The following ROBO2 variants were observed in gnomAD, a reference collection of about 807,000 sequenced individuals.
ROBO2 encodes roundabout guidance receptor 2.
ROBO2 carries 53 observed loss-of-function variants against 160.8 expected under a neutral mutation model. The ratio of observed to expected loss-of-function variants is 0.33; its 90% CI spans 0.26 to 0.41. ROBO2 has a LOEUF of 0.41. Ranked by LOEUF, ROBO2 falls within the 10% of genes least tolerant of loss-of-function variation. ROBO2 has a pLI of 1.00. For synonymous variants in ROBO2, 664 were observed against 611.7 expected (o/e 1.09, Z -1.26); for missense variants, 1,577 against 1,722.4 (o/e 0.92, Z 1.49).
chr3:77,107,544 A>T lies in ROBO2; in HGVS notation c.388+9204A>T, dbSNP rs189614025. On this transcript the variant is annotated intron_variant, in intron 2 of 25. Transcript: ENST00000461745. ...AGAAATATTACAAATCATGTGGTAT[A>T]GCATCTATTTGCATATCATTTACAT... Among the ~76,000 whole-genome samples, 65 of 152,346 alleles carry T rather than the reference A, an allele frequency of 4.3e-4. No homozygotes were observed. The East Asian group carries it at 0.012, about 29-fold the overall frequency.
chr3:76,866,719 T>C (rs2071410385), intron 2 of ROBO2, among the ~76,000 whole-genome samples: 1 of 152,188 alleles, frequency 6.6e-6, no homozygotes, highest in African/African-American at 2.4e-5. Flanking sequence ...ACTGGTAGTT[T>C]ATTTTATTTT....
rs562914363 is a variant in ROBO2 at position 76,186,078 on chromosome 3, A to G, written c.109+248476A>G. The stretch of plus-strand genomic sequence containing the variant: ...CCTCCCAAGTAGATGGACTACAAAC[A>G]TGCACCACCACACCTGACTAATTTT... On this transcript the variant is annotated intron_variant, in intron 2 of 26. Coordinates refer to the ROBO2 transcript ENST00000487694. Among the ~76,000 whole-genome samples the G allele has an allele frequency of 2.0e-5, 3 of 151,652 alleles. No individual in the cohort carries two copies. In the South Asian group the frequency reaches 6.3e-4, roughly 32 times the overall value.
Position 76,980,725 on chromosome 3 carries a change from A to G in ROBO2, c.110-117289A>G, listed in dbSNP as rs905981335. On this transcript the variant is annotated intron_variant, in intron 2 of 26. Transcript: ENST00000487694. Reference sequence around the variant, plus strand: ...TGATAATTCACATGCCAAAAAACTTACCTATTAACATGTATACAAATCAAT... The same window carrying G: ...TGATAATTCACATGCCAAAAAACTTGCCTATTAACATGTATACAAATCAAT... Among the ~76,000 whole-genome samples the G allele has an allele frequency of 6.6e-5, 10 of 152,092 alleles. 1 individual carries two copies. The highest frequency in any genetic ancestry group is 5.8e-4 in the East Asian group (3 of 5,180).
chr3:76,861,567 C>T (rs6784003), intron 2 of ROBO2, among the ~76,000 whole-genome samples: 4,746 of 152,226 alleles, frequency 0.031, 199 homozygotes, highest in East Asian at 0.12. Context: ...CCAGGGCCAT[C>T]ATGTCTACTG....
At chr3:77,023,328 GT>G (rs201189008) in intron 2 of ROBO2, among the ~76,000 whole-genome samples, 1 of 151,826 alleles carries the variant, frequency 6.6e-6, no homozygotes, top group African/African-American at 2.4e-5. Flanking sequence ...TCAATTAAAC[GT>G]TTTTTTTCTT....
intron 2 of ROBO2, among the ~76,000 whole-genome samples, chr3:76,435,807 G>C (rs1020855291): frequency 6.6e-5 from 10 of 152,162 alleles, no homozygotes; most frequent in Non-Finnish European, 1.2e-4. Flanking sequence ...GTTCACACTG[G>C]TTAATCTTTT....
chr3:76,916,437 G>A (rs1197239987), intron 2 of ROBO2, among the ~76,000 whole-genome samples: 1 of 151,928 alleles, frequency 6.6e-6, no homozygotes, highest in African/African-American at 2.4e-5. Context: ...GTCCTCCCAG[G>A]CTCAGGCAAT....
chr3:76,083,601 C>A (rs2068910408), intron 2 of ROBO2, among the ~76,000 whole-genome samples: 1 of 152,072 alleles, frequency 6.6e-6, no homozygotes, highest in Admixed American at 6.6e-5. Flanking sequence ...ATATGTAGGT[C>A]AACATCTGAG....
At chr3:77,299,787 C>T (rs149983343) in intron 2 of ROBO2, among the ~76,000 whole-genome samples, 117 of 152,112 alleles carry the variant, frequency 7.7e-4, no homozygotes, top group African/African-American at 2.6e-3. Context: ...AGAGGAACAA[C>T]GATAATAATA....
chr3:77,277,961 C>T (rs1406189900), intron 2 of ROBO2, among the ~76,000 whole-genome samples: 1 of 69,692 alleles, frequency 1.4e-5, no homozygotes, highest in Non-Finnish European at 5.1e-5. Context: ...GCAAACTCAC[C>T]AGCATCTGTT....
chr3:76,649,805 G>C (rs975024133), intron 2 of ROBO2, among the ~76,000 whole-genome samples: 2 of 151,936 alleles, frequency 1.3e-5, no homozygotes, highest in African/African-American at 4.8e-5. Flanking sequence ...TTGTTCTATG[G>C]AAGAAAGAAC....
chr3:77,321,076 A>C (rs2064639511), intron 2 of ROBO2, among the ~76,000 whole-genome samples: 1 of 152,120 alleles, frequency 6.6e-6, no homozygotes, highest in Non-Finnish European at 1.5e-5. Flanking sequence ...TTTTTTTCAT[A>C]ATTTATTGGG....
At chr3:77,094,996 C>G (rs1246649911) in intron 1 of ROBO2, among the ~76,000 whole-genome samples, 1 of 152,042 alleles carries the variant, frequency 6.6e-6, no homozygotes, top group South Asian at 2.1e-4. Flanking sequence ...AGTATTCTTT[C>G]AAGCACAAGT....
At chr3:76,325,508 C>A (rs1184533683) in intron 2 of ROBO2, among the ~76,000 whole-genome samples, 2 of 151,996 alleles carry the variant, frequency 1.3e-5, no homozygotes, top group Non-Finnish European at 2.9e-5. Context: ...AGGTATCAGA[C>A]CATACTTGTA....
At chr3:77,093,398 A>G (rs764816625) in intron 1 of ROBO2, among the ~76,000 whole-genome samples, 1 of 152,064 alleles carries the variant, frequency 6.6e-6, no homozygotes, top group Admixed American at 6.6e-5. Flanking sequence ...TTTGCTGACA[A>G]CTCAGCTTTA....
intron 2 of ROBO2, among the ~76,000 whole-genome samples, chr3:76,852,456 C>A (rs2069508334): frequency 6.6e-6 from 1 of 152,086 alleles, no homozygotes; most frequent in Non-Finnish European, 1.5e-5. Context: ...TATGTTCTAG[C>A]CGTGTGGTAA....
chr3:76,357,954 C>A lies in ROBO2; in HGVS notation c.109+420352C>A, dbSNP rs893446308. Among the ~76,000 whole-genome samples the A allele has an allele frequency of 4.0e-5, 6 of 151,018 alleles. No homozygotes were observed. The South Asian group carries it at 1.3e-3, about 32-fold the overall frequency. On this transcript the variant is annotated intron_variant, in intron 2 of 26. Coordinates refer to the ROBO2 transcript ENST00000487694. ...CCATAAAGAAAACAGTCATGTCACTCCAAATGTTTTGGAGTATTATTTTAC... is the reference window on the plus strand; with the variant it reads ...CCATAAAGAAAACAGTCATGTCACTACAAATGTTTTGGAGTATTATTTTAC...
intron 2 of ROBO2, among the ~76,000 whole-genome samples, chr3:76,393,694 G>C (rs2077272359): frequency 6.6e-6 from 1 of 152,134 alleles, no homozygotes; most frequent in Non-Finnish European, 1.5e-5. Flanking sequence ...AAACCACATG[G>C]CCTGAGAAAG....
chr3:76,898,626 C>CA (rs2074995056), intron 2 of ROBO2, among the ~76,000 whole-genome samples: 1 of 151,958 alleles, frequency 6.6e-6, no homozygotes, highest in South Asian at 2.1e-4. Flanking sequence ...GAAGTTCAGA[C>CA]AAAAAATGGA....
Sources: gnomAD v4.1 joint callset for allele counts (sites outside exome capture counted in the v4.1 genomes callset) on GRCh38, gnomAD v4.1.1 for gene constraint, MANE v1.5 for transcripts, NCBI Gene and HGNC (gene_info 2026-07-23, HGNC 2026-07-21) for gene names.